The following PRKCE variants were observed in gnomAD, a reference collection of about 807,000 sequenced individuals.
PRKCE encodes protein kinase C epsilon type.
In PRKCE, 16 loss-of-function variants were observed where a neutral mutation model predicts 85.4. The observed-to-expected ratio is 0.19, with a 90% confidence interval of 0.13 to 0.28. The LOEUF is 0.28. Among genes scored for constraint, PRKCE ranks in the 10% least tolerant of loss-of-function variants. The pLI, the probability that PRKCE is intolerant of heterozygous loss-of-function variation, is 1.00. For missense variants in PRKCE, 573 were observed against 975.2 expected (o/e 0.59, Z 5.49); for synonymous variants, 388 against 371.5 (o/e 1.04, Z -0.51).
rs369489456 is a variant in PRKCE, at chr2:45,818,756, C to T, written c.349-24244C>T. ...AGACCTGTTTTTGATCATTTTAATA[C>T]CTTGTTTTCTCCTTTGCCCTGCCGC... On this transcript the variant is annotated intron_variant, in intron 1 of 14. Coordinates refer to ENST00000306156, the MANE Select transcript of PRKCE (RefSeq NM_005400.3). Among the ~76,000 whole-genome samples, 10 of 152,288 alleles carry T rather than the reference C, an allele frequency of 6.6e-5. No homozygotes were observed. The South Asian group carries it at 2.1e-3, about 32-fold the overall frequency.
intron 1 of PRKCE, among the ~76,000 whole-genome samples, chr2:45,748,146 G>A (rs1182351458): frequency 1.3e-5 from 2 of 152,182 alleles, no homozygotes; most frequent in East Asian, 3.8e-4. Flanking sequence ...GTTATTATAG[G>A]AGTCCACATC....
At chr2:46,181,353 T>C (rs998749389) in intron 14 of PRKCE, among the ~76,000 whole-genome samples, 5 of 152,168 alleles carry the variant, frequency 3.3e-5, no homozygotes, top group Non-Finnish European at 5.9e-5. Context: ...CACATGCACC[T>C]GAAATGTCTC....
At position 46,139,486 on chromosome 2, in the gene PRKCE, CA is replaced by C. The variant is rs1186691833; in HGVS notation, c.1593-5603del. On this transcript the variant is annotated intron_variant, in intron 11 of 14. Coordinates refer to ENST00000306156, the MANE Select transcript of PRKCE (RefSeq NM_005400.3). The surrounding 1 kb of genome is among the most constrained non-coding windows in gnomAD (Gnocchi z 5.2). The stretch of plus-strand genomic sequence containing the variant: ...TTCCATTGCAATTAACACATAAACC[CA>C]AAACAACTGTGCTCTAAATAAGATA... Among the ~76,000 whole-genome samples the C allele has an allele frequency of 6.6e-6, 1 of 151,968 alleles. No homozygotes were observed. The highest frequency in any genetic ancestry group is 1.5e-5 in the Non-Finnish European group (1 of 67,980).
intron 11 of PRKCE, among the ~76,000 whole-genome samples, chr2:46,117,431 C>G (rs1672883371): frequency 6.6e-6 from 1 of 152,094 alleles, no homozygotes; most frequent in Non-Finnish European, 1.5e-5. Flanking sequence ...AAGGAAAAAC[C>G]TGATTTTTCT....
intron 2 of PRKCE, among the ~76,000 whole-genome samples, chr2:45,908,879 A>G (rs1573836687): frequency 6.6e-6 from 1 of 151,900 alleles, no homozygotes; most frequent in African/African-American, 2.4e-5. Context: ...GCAGATTCAT[A>G]CCCCTCTCCT....
At chr2:45,864,342 A>G (rs1277468576) in intron 2 of PRKCE, among the ~76,000 whole-genome samples, 4 of 152,220 alleles carry the variant, frequency 2.6e-5, no homozygotes, top group Non-Finnish European at 5.9e-5. Flanking sequence ...CAGAAAGCCT[A>G]ACAATAACTG....
At chr2:45,964,606 A>G (rs1385732458) in intron 2 of PRKCE, among the ~76,000 whole-genome samples, 1 of 152,218 alleles carries the variant, frequency 6.6e-6, no homozygotes, top group Non-Finnish European at 1.5e-5. Flanking sequence ...CTGTGAATGG[A>G]TGGAGGAGGG....
chr2:45,801,682 G>T (rs944693322), intron 1 of PRKCE, among the ~76,000 whole-genome samples: 2 of 152,190 alleles, frequency 1.3e-5, no homozygotes, highest in Non-Finnish European at 2.9e-5. Flanking sequence ...GCTGAGGAAG[G>T]CCGTTGGGCA....
At chr2:46,003,315 T>A (rs1704866186) in intron 7 of PRKCE, among the ~76,000 whole-genome samples, 1 of 152,190 alleles carries the variant, frequency 6.6e-6, no homozygotes, top group African/African-American at 2.4e-5. Context: ...CAAGAGTTAG[T>A]ACTAAAAGGG....
chr2:45,662,863 A>ACAAGCAAGCAAG (rs147813647), intron 1 of PRKCE, among the ~76,000 whole-genome samples: 12 of 147,666 alleles, frequency 8.1e-5, no homozygotes, highest in East Asian at 2.0e-4. Context: ...TACTCTGAAA[A>ACAAGCAAGCAAG]CAAGCAAGCA....
intron 11 of PRKCE, among the ~76,000 whole-genome samples, chr2:46,117,415 C>T (rs1672881293): frequency 6.6e-6 from 1 of 152,086 alleles, no homozygotes; most frequent in South Asian, 2.1e-4. Flanking sequence ...ATAATGTAAG[C>T]CTGTAAAGGA....
intron 1 of PRKCE, among the ~76,000 whole-genome samples, chr2:45,834,592 ATGTG>A (rs35972016): frequency 8.0e-5 from 12 of 149,294 alleles, no homozygotes; most frequent in South Asian, 2.1e-4. Context: ...GCATGTGTGT[ATGTG>A]TGTGTGTGTG....
chr2:45,896,723 C>T (rs1309206931), intron 2 of PRKCE, among the ~76,000 whole-genome samples: 1 of 152,260 alleles, frequency 6.6e-6, no homozygotes, highest in East Asian at 1.9e-4. Context: ...AATATGCTCT[C>T]CTGAGTAACC....
At chr2:45,658,655 A>G (rs1234046069) in intron 1 of PRKCE, among the ~76,000 whole-genome samples, 2 of 152,242 alleles carry the variant, frequency 1.3e-5, no homozygotes, top group Non-Finnish European at 2.9e-5. Flanking sequence ...AAGGAACTAT[A>G]AAGCTTGTAG....
At chr2:45,770,768 TCTTC>T (rs921272992) in intron 1 of PRKCE, 9 of 152,196 alleles carry the variant, frequency 5.9e-5, no homozygotes, top group South Asian at 2.1e-4. Context: ...GCGGATTATT[TCTTC>T]CTTCCTAAAA....
intron 2 of PRKCE, among the ~76,000 whole-genome samples, chr2:45,966,075 T>G (rs1701709188): frequency 6.6e-6 from 1 of 152,174 alleles, no homozygotes; most frequent in Admixed American, 6.5e-5. Flanking sequence ...TTGCCATCCT[T>G]GGGAGGCGTG....
intron 2 of PRKCE, among the ~76,000 whole-genome samples, chr2:45,897,110 T>C (rs892980970): frequency 1.3e-5 from 2 of 152,158 alleles, no homozygotes; most frequent in Non-Finnish European, 2.9e-5. Flanking sequence ...AATAACTGCA[T>C]TGGTAGTATT....
intron 2 of PRKCE, among the ~76,000 whole-genome samples, chr2:45,970,077 A>G (rs1245449953): frequency 3.3e-5 from 5 of 152,232 alleles, no homozygotes; most frequent in Admixed American, 3.3e-4. Flanking sequence ...GAGTTGCCGA[A>G]TCAAAGGATG....
chr2:46,112,492 GT>G (rs58558782), intron 11 of PRKCE, among the ~76,000 whole-genome samples: 9,247 of 128,854 alleles, frequency 0.072, 341 homozygotes, highest in Non-Finnish European at 0.11. Context: ...TGTTTTTTTG[GT>G]TTTTTTTTTG....
Sources: gnomAD v4.1 joint callset for allele counts (sites outside exome capture counted in the v4.1 genomes callset) on GRCh38, gnomAD v4.1.1 for gene constraint, Gnocchi (gnomAD v3.1) non-coding constraint, MANE v1.5 for transcripts, NCBI Gene and HGNC (gene_info 2026-07-23, HGNC 2026-07-21) for gene names.